RNF115: variants seen among roughly 807,000 people sequenced by gnomAD.
RNF115 encodes the protein ring finger protein 115.
Under a neutral mutation model 39.2 loss-of-function variants are expected in RNF115, and 31 were observed. The observed-to-expected ratio is 0.79, with a 90% CI of 0.59 to 1.07. The LOEUF is 1.07. Ranked by LOEUF, RNF115 falls within the 50% of genes least tolerant of loss-of-function variation. RNF115 has a pLI of 0.00. For missense variants in RNF115, 384 were observed against 381.7 expected (o/e 1.01, Z -0.05); for synonymous variants, 124 against 131.0 (o/e 0.95, Z 0.37).
chr1:145,795,082 TG>T (rs1648906227), intron 1 of RNF115, among the ~76,000 whole-genome samples: 1 of 151,420 alleles, frequency 6.6e-6, no homozygotes, highest in African/African-American at 2.4e-5. Context: ...CAGATGTGTC[TG>T]GGGTTTCTTC....
At chr1:145,810,947 C>T (rs1176178793) in intron 1 of RNF115, among the ~76,000 whole-genome samples, 3 of 149,108 alleles carry the variant, frequency 2.0e-5, no homozygotes, top group Admixed American at 6.7e-5. Flanking sequence ...TTCACTACAG[C>T]CTTGACCTCT....
At chr1:145,770,017 G>A (rs1553715521) in intron 4 of RNF115, among the ~76,000 whole-genome samples, 1 of 151,888 alleles carries the variant, frequency 6.6e-6, no homozygotes, top group African/African-American at 2.4e-5. Flanking sequence ...CCCCAACCCC[G>A]ACCCCTAAAA....
intron 3 of RNF115, among the ~76,000 whole-genome samples, chr1:145,774,804 A>T (rs1647803133): frequency 6.6e-6 from 1 of 152,032 alleles, no homozygotes; most frequent in Admixed American, 6.6e-5. Context: ...TTTCCTATTG[A>T]ACTGACTTTC....
chr1:145,797,536 T>C (rs1434686337), intron 1 of RNF115, among the ~76,000 whole-genome samples: 1 of 152,224 alleles, frequency 6.6e-6, no homozygotes, highest in Non-Finnish European at 1.5e-5. Context: ...ATATACCATA[T>C]TTTATTTATT....
In RNF115 at chr1:145,823,919, C is replaced by T; in HGVS notation, c.-46G>A. The T allele has an allele frequency of 7.3e-7, 1 of 1,362,630 alleles. No individual in the cohort carries two copies. Among genetic ancestry groups the T allele is most frequent in the Non-Finnish European group, 9.7e-7 (1 of 1,028,300 alleles). The allele number at this position is 1,362,630 out of a possible 1,614,324, so 84.4% of individuals were successfully genotyped here. ...GTCCGAGAGGGCAGCCGGCCCGTCC[C>T]TCGCCAGGCCGCTACCTCCCGAGCT... On this transcript the variant is annotated 5_prime_UTR_variant, in exon 1 of 9. Coordinates refer to ENST00000582693, the MANE Select transcript of RNF115 (RefSeq NM_014455.4).
chr1:145,804,178 A>G (rs1303628452), intron 1 of RNF115, among the ~76,000 whole-genome samples: 2 of 152,352 alleles, frequency 1.3e-5, no homozygotes, highest in South Asian at 2.1e-4. Context: ...TAAGCTCTAC[A>G]TTCCAAGCAT....
At chr1:145,793,548 T>C (rs1450991206) in intron 1 of RNF115, among the ~76,000 whole-genome samples, 6 of 152,098 alleles carry the variant, frequency 3.9e-5, no homozygotes, top group Admixed American at 6.6e-5. Context: ...CCCCCAAATG[T>C]GTATCTCTAT....
At chr1:145,756,156 T>C (rs587654217) in intron 4 of RNF115, among the ~76,000 whole-genome samples, 26 of 152,198 alleles carry the variant, frequency 1.7e-4, no homozygotes, top group South Asian at 8.3e-4. Context: ...ACTATAACAC[T>C]TCTTTGTTAA....
chr1:145,800,937 A>G (rs1009966530), intron 1 of RNF115, among the ~76,000 whole-genome samples: 45 of 152,126 alleles, frequency 3.0e-4, no homozygotes, highest in Non-Finnish European at 1.2e-4. Flanking sequence ...TGGGAGGGCC[A>G]AGGCGGGCAG....
At chr1:145,811,181 T>C (rs61816217) in intron 1 of RNF115, among the ~76,000 whole-genome samples, 5,333 of 151,852 alleles carry the variant, frequency 0.035, 194 homozygotes, top group African/African-American at 0.12. Context: ...ATAATTTTAA[T>C]ATGCACTAAA....
At chr1:145,816,512 AG>A (rs1285188079) in intron 1 of RNF115, among the ~76,000 whole-genome samples, 1 of 99,208 alleles carries the variant, frequency 1.0e-5, no homozygotes, top group Non-Finnish European at 2.3e-5. Context: ...TTAAAAAAAA[AG>A]GTGAAATAAT....
At chr1:145,751,666 G>C (rs587665672) in intron 5 of RNF115, among the ~76,000 whole-genome samples, 156 bp from the exon 6 acceptor site, 1 of 152,312 alleles carries the variant, frequency 6.6e-6, no homozygotes, top group African/African-American at 2.4e-5. Flanking sequence ...ACATTTTCAA[G>C]ATCAAACAGA....
intron 4 of RNF115, among the ~76,000 whole-genome samples, chr1:145,761,001 TATGTTTTAACA>T (rs1658480879): frequency 6.6e-6 from 1 of 152,194 alleles, no homozygotes; most frequent in African/African-American, 2.4e-5. Flanking sequence ...AGACTCTTGT[TATGTTTTAACA>T]AAGAGACTGG....
chr1:145,769,040 A>C (rs947361552), intron 4 of RNF115, among the ~76,000 whole-genome samples: 2 of 152,200 alleles, frequency 1.3e-5, no homozygotes, highest in Non-Finnish European at 2.9e-5. Context: ...GAAATGCTTA[A>C]ATCTTTGGTT....
At chr1:145,807,807 T>G (rs1237005426) in intron 1 of RNF115, among the ~76,000 whole-genome samples, 3 of 152,146 alleles carry the variant, frequency 2.0e-5, no homozygotes, top group Admixed American at 2.0e-4. Context: ...TTATACCCAT[T>G]AATCAACCTC....
intron 1 of RNF115, among the ~76,000 whole-genome samples, chr1:145,814,960 T>C (rs1451762040): frequency 3.9e-5 from 6 of 152,360 alleles, no homozygotes; most frequent in Non-Finnish European, 7.3e-5. Context: ...GTTCAACTCA[T>C]ATCAATCATT....
chr1:145,755,259 G>A (rs1336946106), intron 4 of RNF115, among the ~76,000 whole-genome samples: 3 of 151,326 alleles, frequency 2.0e-5, no homozygotes, highest in Admixed American at 6.6e-5. Flanking sequence ...GGTGGGGGGC[G>A]GGGGGCAGTG....
chr1:145,777,938 T>C (rs1647957719), intron 3 of RNF115, among the ~76,000 whole-genome samples: 1 of 152,186 alleles, frequency 6.6e-6, no homozygotes, highest in African/African-American at 2.4e-5. Flanking sequence ...TGTTCCTCAA[T>C]GAGTTGAACA....
chr1:145,779,175 A>ATT (rs35142462), intron 3 of RNF115, among the ~76,000 whole-genome samples: 1 of 142,032 alleles, frequency 7.0e-6, no homozygotes, highest in Non-Finnish European at 1.5e-5. Flanking sequence ...TGAAGTCCTA[A>ATT]TTTTTTTTTT....
Sources: gnomAD v4.1 joint callset for allele counts (sites outside exome capture counted in the v4.1 genomes callset) on GRCh38, gnomAD v4.1.1 for gene constraint, MANE v1.5 for transcripts, NCBI Gene and HGNC (gene_info 2026-07-23, HGNC 2026-07-21) for gene names.